The following CLPB variants were observed in gnomAD, a reference collection of about 807,000 sequenced individuals.
CLPB encodes the protein mitochondrial disaggregase.
Under a neutral mutation model 78.4 loss-of-function variants are expected in CLPB, and 40 were observed. The ratio of observed to expected loss-of-function variants is 0.51; its 90% CI spans 0.40 to 0.66. The LOEUF is 0.66. Among genes scored for constraint, CLPB ranks in the 30% least tolerant of loss-of-function variants. The probability of loss-of-function intolerance (pLI) is 0.00; values close to 1 mark genes in which losing one functional copy is unlikely to be tolerated. For synonymous variants in CLPB, 333 were observed against 348.0 expected (o/e 0.96, Z 0.48); for missense variants, 780 against 886.9 (o/e 0.88, Z 1.53).
chr11:72,325,154 G>A (rs1950110358), intron 6 of CLPB, among the ~76,000 whole-genome samples: 1 of 152,022 alleles, frequency 6.6e-6, no homozygotes. Context: ...TGTTTTATCT[G>A]CTATCATGTC....
At chr11:72,418,325 G>A (rs541060850) in intron 2 of CLPB, among the ~76,000 whole-genome samples, 29 of 152,322 alleles carry the variant, frequency 1.9e-4, no homozygotes, top group African/African-American at 6.0e-4. Flanking sequence ...CCTAGGTCAG[G>A]AGAAATACAT....
chr11:72,366,532 A>C (rs574197618), intron 4 of CLPB, among the ~76,000 whole-genome samples: 2 of 152,278 alleles, frequency 1.3e-5, no homozygotes, highest in East Asian at 3.9e-4. Flanking sequence ...CCAGCCAAGA[A>C]TCTATAAGGA....
intron 5 of CLPB, among the ~76,000 whole-genome samples, chr11:72,350,895 G>T (rs1010948147): frequency 6.6e-6 from 1 of 152,124 alleles, no homozygotes. Context: ...TTTAGAGGAG[G>T]TTTCTCGTAT....
In CLPB at chr11:72,294,270, C is replaced by T. The variant is rs1949507617; in HGVS notation, c.1680+55G>A. On this transcript the variant is annotated intron_variant, in intron 14 of 15. Transcript: ENST00000538039. ...GTGGGGGTGCCCCCAGTCCAGTGTT[C>T]CAGATTTCCAGTGGCTGGCTATCCC... 10 of 1,613,810 alleles carry T rather than the reference C, an allele frequency of 6.2e-6. No individual in the cohort carries two copies. The African/African-American group carries it at 6.7e-5, about 11-fold the overall frequency.
chr11:72,423,900 C>A (rs1419494716), intron 2 of CLPB, among the ~76,000 whole-genome samples: 2 of 152,218 alleles, frequency 1.3e-5, no homozygotes, highest in Non-Finnish European at 2.9e-5. Flanking sequence ...TGAGTCAGGA[C>A]CTTCCACCTG....
chr11:72,317,033 T>C (rs986308763), intron 7 of CLPB, 73 bp downstream of exon 7: 22 of 955,766 alleles, frequency 2.3e-5, no homozygotes, highest in Non-Finnish European at 3.3e-5. Flanking sequence ...ACAGCGCCTA[T>C]CCAGTTTGGT....
intron 2 of CLPB, among the ~76,000 whole-genome samples, chr11:72,419,808 C>T (rs887441572): frequency 6.6e-6 from 1 of 152,188 alleles, no homozygotes; most frequent in Admixed American, 6.5e-5. Context: ...TGTGTCCTTC[C>T]TTTGCAGCAT....
chr11:72,433,773 A>G (rs1362180852), intron 1 of CLPB, among the ~76,000 whole-genome samples: 2 of 151,964 alleles, frequency 1.3e-5, no homozygotes, highest in African/African-American at 4.8e-5. Flanking sequence ...CAGGCAGAAT[A>G]TGAGAAACAT....
At chr11:72,348,456 C>T (rs1950554578) in intron 5 of CLPB, among the ~76,000 whole-genome samples, 3 of 152,198 alleles carry the variant, frequency 2.0e-5, no homozygotes, top group African/African-American at 7.2e-5. Flanking sequence ...AAATAATACA[C>T]AGTATTTCTG....
At chr11:72,367,648 T>C (rs528319737) in intron 4 of CLPB, among the ~76,000 whole-genome samples, 8 of 152,198 alleles carry the variant, frequency 5.3e-5, no homozygotes, top group South Asian at 2.1e-4. Context: ...TGAAAAACTA[T>C]TGGATACTAT....
At chr11:72,381,740 T>G (rs1188611488) in intron 3 of CLPB, among the ~76,000 whole-genome samples, 1 of 150,902 alleles carries the variant, frequency 6.6e-6, no homozygotes, top group African/African-American at 2.4e-5. Context: ...CACAGCCAAG[T>G]TGGTCCACAC....
In CLPB at chr11:72,308,713, G is replaced by A. The variant is rs963674209; in HGVS notation, c.989-109C>T. 2.0e-5 allele frequency: 20 copies of A among 1,001,562 alleles called. 1 individual carries two copies. In the Middle Eastern group the frequency reaches 6.1e-4, roughly 30 times the overall value. The allele number at this position is 1,001,562 out of a possible 1,614,324, so 62.0% of individuals were successfully genotyped here. ...TATACAATATGTTTTACTGCTCTGC[G>A]CCCACTCAAAGTCCTCACTACCATT... On this transcript the variant is annotated intron_variant, in intron 7 of 15. Coordinates refer to ENST00000538039, the MANE Select transcript of CLPB (RefSeq NM_001258392.3).
chr11:72,425,568 G>A (rs1478547046), intron 2 of CLPB, among the ~76,000 whole-genome samples: 1 of 152,092 alleles, frequency 6.6e-6, no homozygotes, highest in Admixed American at 6.6e-5. Context: ...TCATTTTGTT[G>A]CCACAAATTC....
At chr11:72,338,534 C>A (rs1950362139) in intron 5 of CLPB, among the ~76,000 whole-genome samples, 1 of 152,164 alleles carries the variant, frequency 6.6e-6, no homozygotes, top group Admixed American at 6.5e-5. Context: ...ACTGGGCTAC[C>A]ACTGTTCTCT....
chr11:72,389,001 G>A (rs893931933), intron 3 of CLPB, among the ~76,000 whole-genome samples: 1 of 152,150 alleles, frequency 6.6e-6, no homozygotes, highest in Non-Finnish European at 1.5e-5. Context: ...GGCAGCAAAG[G>A]TGTACATGAG....
intron 7 of CLPB, among the ~76,000 whole-genome samples, chr11:72,315,784 C>CTGT (rs1339438058): frequency 2.6e-5 from 4 of 152,220 alleles, no homozygotes; most frequent in Non-Finnish European, 4.4e-5. Context: ...CCCTACCACA[C>CTGT]ATGTGACACT....
At chr11:72,429,513 T>G (rs938054803) in intron 2 of CLPB, among the ~76,000 whole-genome samples, 1 of 152,138 alleles carries the variant, frequency 6.6e-6, no homozygotes, top group East Asian at 1.9e-4. Context: ...CATGCAGACA[T>G]GATGGCAAGG....
intron 4 of CLPB, among the ~76,000 whole-genome samples, chr11:72,364,781 T>C (rs1950910843): frequency 6.6e-6 from 1 of 152,036 alleles, no homozygotes; most frequent in Admixed American, 6.6e-5. Flanking sequence ...AGAAAGACCA[T>C]GGGGGCTGGA....
At chr11:72,375,270 G>A (rs1279542463) in intron 4 of CLPB, among the ~76,000 whole-genome samples, 2 of 152,164 alleles carry the variant, frequency 1.3e-5, no homozygotes, top group African/African-American at 4.8e-5. Flanking sequence ...TAAAATGCAA[G>A]TGTGAATTCG....
Sources: gnomAD v4.1 joint callset for allele counts (sites outside exome capture counted in the v4.1 genomes callset) on GRCh38, gnomAD v4.1.1 for gene constraint, MANE v1.5 for transcripts, NCBI Gene and HGNC (gene_info 2026-07-23, HGNC 2026-07-21) for gene names.